The following CSGALNACT1 variants were observed in gnomAD, a reference collection of about 807,000 sequenced individuals.
The protein encoded by CSGALNACT1 is beta4GalNAcT-1.
A neutral mutation model predicts 51.0 loss-of-function variants in CSGALNACT1; 52 were observed. That is an observed-to-expected ratio of 1.02 (90% CI 0.82 to 1.29). The LOEUF is 1.29. Ranked by LOEUF, CSGALNACT1 falls within the 50% of genes most tolerant of loss-of-function variation. The pLI is 0.00. For synonymous variants in CSGALNACT1, 341 were observed against 254.4 expected (o/e 1.34, Z -3.24); for missense variants, 935 against 679.2 (o/e 1.38, Z -4.19).
At chr8:19,493,111 C>T (rs1040547106) in intron 4 of CSGALNACT1, among the ~76,000 whole-genome samples, 4 of 151,040 alleles carry the variant, frequency 2.6e-5, no homozygotes, top group Non-Finnish European at 5.9e-5. Context: ...TTATTAAACA[C>T]TTTTGTGAAA....
intron 1 of CSGALNACT1, among the ~76,000 whole-genome samples, chr8:19,700,739 A>T (rs2061821208): frequency 6.6e-6 from 1 of 152,236 alleles, no homozygotes; most frequent in Non-Finnish European, 1.5e-5. Flanking sequence ...CAAATAGACC[A>T]CCAAAATCTG....
chr8:19,520,695 C>T (rs753400860), intron 3 of CSGALNACT1, among the ~76,000 whole-genome samples: 1 of 152,228 alleles, frequency 6.6e-6, no homozygotes, highest in Non-Finnish European at 1.5e-5. Flanking sequence ...CCCTCTGCAT[C>T]AGTCTTAAAA....
At chr8:19,407,461 G>A (rs553857632) in intron 9 of CSGALNACT1, among the ~76,000 whole-genome samples, 2 of 152,200 alleles carry the variant, frequency 1.3e-5, no homozygotes, top group East Asian at 1.9e-4. Context: ...TGAGATCAAC[G>A]TTTCGGGACT....
intron 3 of CSGALNACT1, among the ~76,000 whole-genome samples, chr8:19,585,734 C>T (rs1236259303): frequency 1.1e-4 from 17 of 152,148 alleles, no homozygotes; most frequent in Admixed American, 1.1e-3. Context: ...ATGAGAAGAA[C>T]CCATACAAAG....
At chr8:19,448,255 G>A in intron 5 of CSGALNACT1, among the ~76,000 whole-genome samples, 1 of 152,120 alleles carries the variant, frequency 6.6e-6, no homozygotes, top group East Asian at 1.9e-4. Context: ...AGGGAATCGT[G>A]GATTCAATAA....
chr8:19,468,376 G>A (rs1027417583), intron 4 of CSGALNACT1, among the ~76,000 whole-genome samples: 2 of 152,188 alleles, frequency 1.3e-5, no homozygotes. Context: ...TGGAAAGGCC[G>A]ACGTGGAGCG....
At chr8:19,431,363 T>C (rs1052790557) in intron 6 of CSGALNACT1, among the ~76,000 whole-genome samples, 4 of 152,246 alleles carry the variant, frequency 2.6e-5, no homozygotes, top group Admixed American at 1.3e-4. Flanking sequence ...TTTGAGGATT[T>C]TTATCATAAA....
intron 3 of CSGALNACT1, among the ~76,000 whole-genome samples, chr8:19,575,373 T>C (rs141752908): frequency 4.6e-5 from 7 of 152,336 alleles, no homozygotes; most frequent in African/African-American, 1.7e-4. Context: ...CAGCACCACC[T>C]ATTAAGTATT....
intron 1 of CSGALNACT1, among the ~76,000 whole-genome samples, chr8:19,677,356 C>A (rs9987105): frequency 2.0e-5 from 3 of 152,210 alleles, no homozygotes; most frequent in Admixed American, 6.5e-5. Context: ...AGTCATCCTC[C>A]CACCTCGGCC....
At chr8:19,639,326 G>T (rs935161575) in intron 1 of CSGALNACT1, among the ~76,000 whole-genome samples, 1 of 152,230 alleles carries the variant, frequency 6.6e-6, no homozygotes, top group Non-Finnish European at 1.5e-5. Flanking sequence ...ACATCATGGG[G>T]TCTGGGGGAA....
intron 3 of CSGALNACT1, among the ~76,000 whole-genome samples, chr8:19,547,621 G>A (rs1331155823): frequency 6.6e-6 from 1 of 152,158 alleles, no homozygotes; most frequent in African/African-American, 2.4e-5. Context: ...GGAACTGTGA[G>A]TCCACTAAAT....
At chr8:19,663,863 T>G (rs1451954968) in intron 1 of CSGALNACT1, among the ~76,000 whole-genome samples, 1 of 152,252 alleles carries the variant, frequency 6.6e-6, no homozygotes, top group Admixed American at 6.5e-5. Flanking sequence ...CTCTTCATGT[T>G]TGATATGGTC....
At chr8:19,534,705 C>G (rs1368367100) in intron 3 of CSGALNACT1, among the ~76,000 whole-genome samples, 1 of 152,074 alleles carries the variant, frequency 6.6e-6, no homozygotes, top group African/African-American at 2.4e-5. Context: ...CCCAAGTGAC[C>G]TAAACTCTCT....
chr8:19,740,572 C>T (rs2064251598), intron 1 of CSGALNACT1, among the ~76,000 whole-genome samples: 2 of 152,140 alleles, frequency 1.3e-5, no homozygotes, highest in East Asian at 1.9e-4. Context: ...TGAAAAATTC[C>T]ACTGGGGTCT....
chr8:19,744,985 A>G (rs533136565), intron 1 of CSGALNACT1, among the ~76,000 whole-genome samples: 11 of 152,316 alleles, frequency 7.2e-5, no homozygotes, highest in Admixed American at 5.2e-4. Context: ...CACGTAACGT[A>G]TTACTCTTGG....
rs144585990 is a variant in CSGALNACT1, at chr8:19,563,366, C to G, written c.-297+27794G>C. Reference sequence around the variant, plus strand: ...GTGATGGGTTGACAGGTGCAGCAAACCACTATGACACACATTGACCTATGT... The same window carrying G: ...GTGATGGGTTGACAGGTGCAGCAAAGCACTATGACACACATTGACCTATGT... On this transcript the variant is annotated intron_variant, in intron 3 of 9. Transcript: ENST00000454498. Among the ~76,000 whole-genome samples, 691 of 152,244 alleles carry G rather than the reference C, an allele frequency of 4.5e-3. 4 individuals carry two copies. The highest frequency in any genetic ancestry group is 0.016 in the African/African-American group (646 of 41,522).
At chr8:19,569,188 A>C (rs1279977510) in intron 3 of CSGALNACT1, among the ~76,000 whole-genome samples, 1 of 152,216 alleles carries the variant, frequency 6.6e-6, no homozygotes, top group African/African-American at 2.4e-5. Flanking sequence ...GTACACAGTT[A>C]ATGACAGCAC....
At chr8:19,582,075 T>C (rs1416055209) in intron 3 of CSGALNACT1, among the ~76,000 whole-genome samples, 2 of 152,172 alleles carry the variant, frequency 1.3e-5, no homozygotes, top group Non-Finnish European at 2.9e-5. Flanking sequence ...AAAAAATATA[T>C]AATTTATAGA....
intron 1 of CSGALNACT1, among the ~76,000 whole-genome samples, chr8:19,711,851 C>T (rs1281287489): frequency 6.6e-6 from 1 of 152,192 alleles, no homozygotes; most frequent in African/African-American, 2.4e-5. Flanking sequence ...TGTGGCACCT[C>T]CAACATGCCA....
Sources: gnomAD v4.1 joint callset for allele counts (sites outside exome capture counted in the v4.1 genomes callset) on GRCh38, gnomAD v4.1.1 for gene constraint, MANE v1.5 for transcripts, NCBI Gene and HGNC (gene_info 2026-07-23, HGNC 2026-07-21) for gene names.